The following OR6N1 variants were observed in gnomAD, a reference collection of about 807,000 sequenced individuals.
OR6N1 encodes the protein olfactory receptor 6N1.
For synonymous variants in OR6N1, 170 were observed against 150.7 expected (o/e 1.13, Z -0.94); for missense variants, 394 against 371.7 (o/e 1.06, Z -0.49).
At chr1:158,790,382 T>C in the OR6N1 span, among the ~76,000 whole-genome samples, 1 of 151,346 alleles carries the variant, frequency 6.6e-6, no homozygotes, top group Non-Finnish European at 1.5e-5. Flanking sequence ...AGAATATCAA[T>C]TGGTATTTTG....
chr1:158,819,926 C>A, the OR6N1 span, among the ~76,000 whole-genome samples: 1 of 152,170 alleles, frequency 6.6e-6, no homozygotes, highest in Admixed American at 6.5e-5. Context: ...ATTAAAGACA[C>A]ACACACAGAA....
the OR6N1 span, among the ~76,000 whole-genome samples, chr1:158,779,294 A>C: frequency 8.1e-6 from 1 of 123,542 alleles, no homozygotes; most frequent in Admixed American, 7.9e-5. Context: ...TGTGTAGATC[A>C]TACTGCAATT....
At chr1:158,804,149 G>T in the OR6N1 span, among the ~76,000 whole-genome samples, 2 of 152,186 alleles carry the variant, frequency 1.3e-5, no homozygotes, top group East Asian at 3.8e-4. Context: ...TTATCTGATT[G>T]GTTCCTGAGA....
intron 1 of OR6N1, among the ~76,000 whole-genome samples, chr1:158,770,608 G>C (rs748434629): frequency 7.9e-5 from 12 of 152,008 alleles, no homozygotes; most frequent in Non-Finnish European, 1.3e-4. Context: ...TGGATTGTTG[G>C]AATATCTGAA....
At chr1:158,776,710 C>G, upstream of OR6N1, 2 of 1,609,806 alleles carry the variant, frequency 1.2e-6, no homozygotes, top group Non-Finnish European at 8.5e-7. Context: ...AGCTTTATCT[C>G]CCTTCTGGAA....
At chr1:158,790,775 T>A in the OR6N1 span, among the ~76,000 whole-genome samples, 1 of 152,204 alleles carries the variant, frequency 6.6e-6, no homozygotes, top group Non-Finnish European at 1.5e-5. Context: ...TTAATTTTTT[T>A]AATTCATGAG....
At chr1:158,790,224 G>A in the OR6N1 span, among the ~76,000 whole-genome samples, 4 of 152,028 alleles carry the variant, frequency 2.6e-5, no homozygotes, top group Middle Eastern at 3.2e-3. Flanking sequence ...GTACCATGCT[G>A]TTTAGCTTGC....
chr1:158,830,235 G>T, the OR6N1 span, among the ~76,000 whole-genome samples: 2 of 152,134 alleles, frequency 1.3e-5, no homozygotes, highest in African/African-American at 4.8e-5. Context: ...AGACCTGCTC[G>T]AAGCATCAGC....
At chr1:158,821,275 G>T in the OR6N1 span, among the ~76,000 whole-genome samples, 1 of 152,068 alleles carries the variant, frequency 6.6e-6, no homozygotes, top group Admixed American at 6.6e-5. Context: ...CACCAGAGGG[G>T]TACATTTGTT....
At chr1:158,823,561 T>G in the OR6N1 span, among the ~76,000 whole-genome samples, 1 of 152,124 alleles carries the variant, frequency 6.6e-6, no homozygotes, top group Non-Finnish European at 1.5e-5. Context: ...TATGGCACCT[T>G]TGGCATTTCT....
the OR6N1 span, among the ~76,000 whole-genome samples, chr1:158,785,573 T>C: frequency 6.6e-6 from 1 of 152,160 alleles, no homozygotes; most frequent in African/African-American, 2.4e-5. Flanking sequence ...ATCCAGGATA[T>C]GTTCTTAAGA....
At chr1:158,816,975 A>C in the OR6N1 span, among the ~76,000 whole-genome samples, 1 of 152,224 alleles carries the variant, frequency 6.6e-6, no homozygotes, top group Non-Finnish European at 1.5e-5. Flanking sequence ...GCTGGAGTGA[A>C]TCTAGGGTTG....
chr1:158,791,040 T>C, the OR6N1 span, among the ~76,000 whole-genome samples: 1 of 152,254 alleles, frequency 6.6e-6, no homozygotes, highest in Admixed American at 6.5e-5. Context: ...GTTTTTGTTT[T>C]TAATTCTGTT....
the OR6N1 span, among the ~76,000 whole-genome samples, chr1:158,802,199 CTTTTTTTTTT>C: frequency 3.8e-5 from 4 of 105,208 alleles, no homozygotes; most frequent in Non-Finnish European, 7.1e-5. Context: ...CCTCATAGCA[CTTTTTTTTTT>C]TTTTTTTTTT....
At chr1:158,795,579 T>C in the OR6N1 span, among the ~76,000 whole-genome samples, 1 of 152,170 alleles carries the variant, frequency 6.6e-6, no homozygotes, top group African/African-American at 2.4e-5. Flanking sequence ...CTTCCCTCCA[T>C]CTCCAGTGGC....
the OR6N1 span, among the ~76,000 whole-genome samples, chr1:158,797,115 A>T: frequency 6.6e-6 from 1 of 152,214 alleles, no homozygotes; most frequent in African/African-American, 2.4e-5. Flanking sequence ...CAACTCCTTC[A>T]GCCAAGATAC....
chr1:158,833,220 A>C, the OR6N1 span, among the ~76,000 whole-genome samples: 12 of 152,228 alleles, frequency 7.9e-5, no homozygotes, highest in South Asian at 1.9e-3. Flanking sequence ...TCTTAGATTT[A>C]TTTCTTTTCA....
the OR6N1 span, chr1:158,808,693 T>C: frequency 1.3e-5 from 2 of 152,000 alleles, no homozygotes; most frequent in African/African-American, 4.9e-5. Context: ...CTCCATAGAG[T>C]CCCAAAATGA....
the OR6N1 span, among the ~76,000 whole-genome samples, chr1:158,804,002 G>T: frequency 6.6e-6 from 1 of 152,156 alleles, no homozygotes; most frequent in African/African-American, 2.4e-5. Flanking sequence ...TTTTAAGAAA[G>T]AAGAAGCCTT....
Sources: allele counts gnomAD v4.1 joint callset (sites outside exome capture counted in the v4.1 genomes callset), GRCh38; gene constraint gnomAD v4.1.1; transcripts MANE v1.5; gene names NCBI Gene and HGNC (gene_info 2026-07-23, HGNC 2026-07-21).